PPP1R2: variants seen among roughly 807,000 people sequenced by gnomAD.
The protein encoded by PPP1R2 is protein phosphatase 1 regulatory inhibitor subunit 2, also known as protein phosphatase inhibitor 2.
In PPP1R2, 16 loss-of-function variants were observed where a neutral mutation model predicts 29.9. The observed-to-expected ratio is 0.53, with a 90% confidence interval of 0.36 to 0.81. PPP1R2 has a LOEUF of 0.81. Ranked by LOEUF, PPP1R2 falls within the 30% of genes least tolerant of loss-of-function variation. PPP1R2 has a pLI of 0.00. For missense variants in PPP1R2, 197 were observed against 252.7 expected (o/e 0.78, Z 1.49); for synonymous variants, 76 against 91.5 (o/e 0.83, Z 0.96).
At chr3:195,537,361 A>G (rs965692577) in intron 1 of PPP1R2, among the ~76,000 whole-genome samples, 1 of 152,186 alleles carries the variant, frequency 6.6e-6, no homozygotes, top group Non-Finnish European at 1.5e-5. Flanking sequence ...AAGAGTCTGA[A>G]TTAAAGTTTA....
chr3:195,521,959 T>G (rs73196127), intron 4 of PPP1R2, among the ~76,000 whole-genome samples: 39,337 of 152,132 alleles, frequency 0.26, 6,224 homozygotes, highest in Admixed American at 0.45. Flanking sequence ...CCATCATGAT[T>G]CTTAATAAGT....
rs545974161 is a variant in PPP1R2 at position 195,533,192 on chromosome 3, CA to C, written c.123-3292del. 5.8e-3 allele frequency among the ~76,000 whole-genome samples: 879 copies of C among 151,978 alleles called. 4 individuals are homozygous for C. Among genetic ancestry groups the C allele is most frequent in the Non-Finnish European group, 9.0e-3 (612 of 67,934 alleles). Reference sequence around the variant, plus strand: ...TGAAACCCCGTCTCTACCAAAAATACAAAAAAATTAGGCATGGTGGCTTGCG... The same window carrying C: ...TGAAACCCCGTCTCTACCAAAAATACAAAAAATTAGGCATGGTGGCTTGCG... On this transcript the variant is annotated intron_variant, in intron 1 of 5. Transcript: ENST00000618156.
intron 2 of PPP1R2, chr3:195,528,778 G>A (rs1719076928): frequency 8.5e-6 from 1 of 117,928 alleles, no homozygotes; most frequent in South Asian, 2.8e-4. Context: ...TTGATCTCCT[G>A]GCCTGAAGCA....
intron 1 of PPP1R2, among the ~76,000 whole-genome samples, chr3:195,532,917 T>C (rs1031377465): frequency 2.0e-5 from 3 of 152,220 alleles, no homozygotes; most frequent in African/African-American, 7.2e-5. Context: ...TATCAAAACA[T>C]GCACATACAA....
At chr3:195,541,220 A>T (rs531010211) in intron 1 of PPP1R2, among the ~76,000 whole-genome samples, 1 of 152,310 alleles carries the variant, frequency 6.6e-6, no homozygotes, top group African/African-American at 2.4e-5. Flanking sequence ...GCCAATCCAT[A>T]GATTGGGCCC....
Position 195,516,090 on chromosome 3 carries a change from G to C in PPP1R2, c.*806C>G, listed in dbSNP as rs1718535147. The C allele has an allele frequency of 6.6e-6, 1 of 152,394 alleles. No individual in the cohort carries two copies. Among genetic ancestry groups the C allele is most frequent in the Non-Finnish European group, 1.5e-5 (1 of 67,992 alleles). 9.4% of individuals were successfully genotyped at this position (152,394 alleles called of 1,614,324 possible). ...GGAAAGGAGTAGGAAAGAAAAGCAG[G>C]AGGTTAAGACAGGTATTTAAAGGGA... On this transcript the variant is annotated 3_prime_UTR_variant, in exon 6 of 6. Coordinates refer to ENST00000618156, the MANE Select transcript of PPP1R2 (RefSeq NM_006241.8).
chr3:195,540,902 G>A (rs1719569711), intron 1 of PPP1R2, among the ~76,000 whole-genome samples: 1 of 152,144 alleles, frequency 6.6e-6, no homozygotes, highest in Non-Finnish European at 1.5e-5. Flanking sequence ...AACAGACTAA[G>A]ACTATATTGT....
intron 1 of PPP1R2, among the ~76,000 whole-genome samples, chr3:195,532,215 CTTTTT>C (rs146508182): frequency 4.2e-5 from 5 of 120,180 alleles, no homozygotes; most frequent in Admixed American, 9.4e-5. Flanking sequence ...TTTTCTTTTT[CTTTTT>C]TTTTTTTTTT....
rs1718479054 is a variant in PPP1R2 at position 195,514,637 on chromosome 3, G to GT, written c.*2258dup. The GT allele has an allele frequency of 6.6e-6, 1 of 152,150 alleles. No homozygotes were observed. Among genetic ancestry groups the GT allele is most frequent in the South Asian group, 2.1e-4 (1 of 4,828 alleles). 9.4% of individuals were successfully genotyped at this position (152,150 alleles called of 1,614,324 possible). On this transcript the variant is annotated 3_prime_UTR_variant, in exon 6 of 6. Transcript: ENST00000618156. Reference sequence around the variant, plus strand: ...AAAACAGACAAGGTAACACCAAATAGTTAAGCACAGAAAGTGATACTGATT... The same window carrying GT: ...AAAACAGACAAGGTAACACCAAATAGTTTAAGCACAGAAAGTGATACTGATT...
chr3:195,518,422 C>T (rs533107499), intron 5 of PPP1R2, among the ~76,000 whole-genome samples: 17 of 152,100 alleles, frequency 1.1e-4, no homozygotes, highest in African/African-American at 3.9e-4. Context: ...GAGGCCGAGG[C>T]GGGCGGATCA....
chr3:195,516,624 C>A lies in PPP1R2; in HGVS notation c.*272G>T. 1 of 360,582 alleles carries A rather than the reference C, an allele frequency of 2.8e-6. No individual in the cohort carries two copies. Among genetic ancestry groups the A allele is most frequent in the Non-Finnish European group, 5.0e-6 (1 of 199,026 alleles). 22.3% of individuals were successfully genotyped at this position (360,582 alleles called of 1,614,324 possible). A position where few individuals can be genotyped will look rare whatever the true frequency, so the allele number is the denominator to read the frequency against. ...ATAAAAAGCTCTATAATATCTTATA[C>A]AAATTAACCAGTGTTTTTACAAAAG... On this transcript the variant is annotated 3_prime_UTR_variant, in exon 6 of 6. Transcript: ENST00000618156.
chr3:195,522,330 T>C (rs763967907), intron 4 of PPP1R2, among the ~76,000 whole-genome samples: 15 of 152,226 alleles, frequency 9.9e-5, no homozygotes, highest in Non-Finnish European at 1.8e-4. Flanking sequence ...CCCTAAGCTA[T>C]CTACTGTCAA....
chr3:195,531,796 C>T (rs1467149736), intron 1 of PPP1R2, among the ~76,000 whole-genome samples: 1 of 152,156 alleles, frequency 6.6e-6, no homozygotes, highest in Non-Finnish European at 1.5e-5. Flanking sequence ...GCATCACCAC[C>T]ATTCATCTCC....
At chr3:195,528,694 G>A (rs1719064757) in intron 2 of PPP1R2, 1 of 132,756 alleles carries the variant, frequency 7.5e-6, no homozygotes, top group Non-Finnish European at 1.6e-5. Context: ...GGTAGGTAGG[G>A]CATAACTATT....
chr3:195,543,056 C>A lies in PPP1R2; in HGVS notation c.-31G>T, dbSNP rs370646215. The A allele has an allele frequency of 2.0e-5, 31 of 1,584,896 alleles. No homozygotes were observed. Among genetic ancestry groups the A allele is most frequent in the African/African-American group, 4.1e-5 (3 of 73,894 alleles). ...GGCGCTCCGGCTGTCGGCTCAGGGT[C>A]GCTGCTTGGCGTGGGGTCCGCGAAG... is the stretch of plus-strand genomic sequence containing the variant. On this transcript the variant is annotated 5_prime_UTR_variant, in exon 1 of 6. Coordinates refer to ENST00000618156, the MANE Select transcript of PPP1R2 (RefSeq NM_006241.8).
chr3:195,534,695 C>T (rs891667857), intron 1 of PPP1R2, among the ~76,000 whole-genome samples: 1 of 151,700 alleles, frequency 6.6e-6, no homozygotes, highest in African/African-American at 2.4e-5. Flanking sequence ...TACAGAACTG[C>T]TTTTAAAAAA....
intron 2 of PPP1R2, among the ~76,000 whole-genome samples, chr3:195,527,526 G>A (rs1262661484): frequency 6.6e-6 from 1 of 152,154 alleles, no homozygotes; most frequent in Non-Finnish European, 1.5e-5. Context: ...GGCTCCCAAA[G>A]TGCTGAGATT....
chr3:195,516,792 T>C lies in PPP1R2; in HGVS notation c.*104A>G, dbSNP rs1389255675. ...TCTTGGCAATATATAATAACTGGTA[T>C]GCATTTTGGTACTTAAGTCATGAAT... On this transcript the variant is annotated 3_prime_UTR_variant, in exon 6 of 6. Transcript: ENST00000618156. 34 of 899,080 alleles carry C rather than the reference T, an allele frequency of 3.8e-5. No individual in the cohort carries two copies. Among genetic ancestry groups the C allele is most frequent in the Non-Finnish European group, 4.6e-5 (26 of 559,278 alleles). 55.7% of individuals were successfully genotyped at this position (899,080 alleles called of 1,614,324 possible).
rs967834363 is a variant in PPP1R2 at position 195,514,566 on chromosome 3, C to T, written c.*2330G>A. 1 of 152,156 alleles carries T rather than the reference C, an allele frequency of 6.6e-6. No homozygotes were observed. Among genetic ancestry groups the T allele is most frequent in the South Asian group, 2.1e-4 (1 of 4,828 alleles). 9.4% of individuals were successfully genotyped at this position (152,156 alleles called of 1,614,324 possible). A position where few individuals can be genotyped will look rare whatever the true frequency, so the allele number is the denominator to read the frequency against. On this transcript the variant is annotated 3_prime_UTR_variant, in exon 6 of 6. Coordinates refer to ENST00000618156, the MANE Select transcript of PPP1R2 (RefSeq NM_006241.8). ...AAGTTACCTTAACAATCCATTTACA[C>T]CATTATGTCAAATTTTAGTCATCTC... is the stretch of plus-strand genomic sequence containing the variant.
Sources: allele counts gnomAD v4.1 joint callset (sites outside exome capture counted in the v4.1 genomes callset), GRCh38; gene constraint gnomAD v4.1.1; transcripts MANE v1.5; gene names NCBI Gene and HGNC (gene_info 2026-07-23, HGNC 2026-07-21).